Variants in ZNF738 observed in about 807,000 individuals in gnomAD.
ZNF738 encodes the protein zinc finger protein 738.
ZNF738 carries 10 observed loss-of-function variants against 9.2 expected under a neutral mutation model. The ratio of observed to expected loss-of-function variants is 1.09; its 90% CI spans 0.67 to 1.85. The LOEUF is 1.85. ZNF738 is among the 40% of genes most tolerant of loss of function. The pLI is 0.00. For synonymous variants in ZNF738, 113 were observed against 94.5 expected (o/e 1.20, Z -1.14); for missense variants, 346 against 283.6 (o/e 1.22, Z -1.58).
At chr19:21,367,643 TCATACTGC>T (rs1279080945) in intron 2 of ZNF738, among the ~76,000 whole-genome samples, 1 of 152,166 alleles carries the variant, frequency 6.6e-6, no homozygotes, top group Non-Finnish European at 1.5e-5. Flanking sequence ...ACACAGACTG[TCATACTGC>T]CCATTGTCCT....
In ZNF738 at chr19:21,383,403, A is replaced by G; in HGVS notation, c.857A>G (p.Lys286Arg). 1 of 592,062 alleles carries G rather than the reference A, an allele frequency of 1.7e-6. No homozygotes were observed. The highest frequency in any genetic ancestry group is 2.9e-6 in the Non-Finnish European group (1 of 347,988). 36.7% of individuals were successfully genotyped at this position (592,062 alleles called of 1,614,324 possible). ...TRHKVIHAGE[K>R]HYKCEKCGKD... ...CATAAGGTAATTCATGCTGGAGAGA[A>G]ACACTACAAATGTGAAAAATGTGGC... The change falls in exon 5 of 5, where the codon AAA (lysine) becomes AGA (arginine). Residue 286 changes from lysine (K) to arginine (R), a missense_variant. Physicochemically the swap from Lys to Arg is conservative, Grantham distance 26 (BLOSUM62 2). Coordinates refer to ENST00000683779, the MANE Select transcript of ZNF738 (RefSeq NM_001355237.2).
rs896528830 is a variant in ZNF738, at chr19:21,383,252, G to A, written c.706G>A (p.Glu236Lys). ...TAGAGAGAATTCTTACCAATGTGAAGAATGTGGCAAAGCCTTTAAATGGTT... is the reference window on the plus strand; with the variant it reads ...TAGAGAGAATTCTTACCAATGTGAAAAATGTGGCAAAGCCTTTAAATGGTT... ...HIRENSYQCEECGKAFKWFST... is the reference protein window; with the variant it reads ...HIRENSYQCEKCGKAFKWFST... Residue 236 changes from glutamate (E) to lysine (K), a missense_variant, in exon 5 of 5, where the codon GAA becomes AAA. Transcript: ENST00000683779. 5.0e-6 allele frequency: 8 copies of A among 1,591,208 alleles called. No individual in the cohort carries two copies. The highest frequency in any genetic ancestry group is 6.9e-6 in the Non-Finnish European group (8 of 1,161,438).
At chr19:21,365,912 G>A (rs12971736) in intron 2 of ZNF738, among the ~76,000 whole-genome samples, 85,230 of 150,780 alleles carry the variant, frequency 0.57, 24,376 homozygotes, top group Middle Eastern at 0.69. Flanking sequence ...AGCCAAGATC[G>A]CGCCACTGCA....
Position 21,388,397 on chromosome 19 carries a change from G to A in ZNF738, c.*4723G>A, listed in dbSNP as rs1210565219. Among the ~76,000 whole-genome samples the A allele has an allele frequency of 6.6e-6, 1 of 152,130 alleles. No individual in the cohort carries two copies. Among genetic ancestry groups the A allele is most frequent in the Non-Finnish European group, 1.5e-5 (1 of 67,994 alleles). On this transcript the variant is annotated 3_prime_UTR_variant, in exon 5 of 5. Coordinates refer to ENST00000683779, the MANE Select transcript of ZNF738 (RefSeq NM_001355237.2). Reference sequence around the variant, plus strand: ...TATGGACAAGTAAGGACATTAGAATGTAAGATGCATGATGAAAAAGTGGAG... The same window carrying A: ...TATGGACAAGTAAGGACATTAGAATATAAGATGCATGATGAAAAAGTGGAG...
intron 2 of ZNF738, among the ~76,000 whole-genome samples, chr19:21,373,760 CAA>C (rs1017817433): frequency 7.5e-5 from 10 of 134,140 alleles, no homozygotes; most frequent in Non-Finnish European, 1.6e-4. Context: ...CCAAAGAAGA[CAA>C]AAGAGGAAAA....
At chr19:21,362,918 G>T (rs1973719034) in intron 2 of ZNF738, among the ~76,000 whole-genome samples, 1 of 152,196 alleles carries the variant, frequency 6.6e-6, no homozygotes, top group South Asian at 2.1e-4. Context: ...ACAAGAAAAT[G>T]TGGTAGATAA....
chr19:21,369,271 A>G (rs189099864), intron 2 of ZNF738, among the ~76,000 whole-genome samples: 11 of 151,626 alleles, frequency 7.3e-5, no homozygotes, highest in Admixed American at 7.2e-4. Context: ...ATCACGCCTA[A>G]TTTTTCTTTT....
chr19:21,362,640 A>T (rs1334843925), intron 2 of ZNF738, among the ~76,000 whole-genome samples: 1 of 152,210 alleles, frequency 6.6e-6, no homozygotes, highest in Non-Finnish European at 1.5e-5. Context: ...AGGTTACATT[A>T]TATTAGTAGG....
chr19:21,382,649 G>A (rs1762795177), intron 4 of ZNF738, among the ~76,000 whole-genome samples: 1 of 151,912 alleles, frequency 6.6e-6, no homozygotes, highest in Admixed American at 6.6e-5. Flanking sequence ...GCTCACTTGG[G>A]GTACTTTAAA....
At chr19:21,366,731 A>G (rs377589001) in intron 2 of ZNF738, among the ~76,000 whole-genome samples, 1 of 152,176 alleles carries the variant, frequency 6.6e-6, no homozygotes, top group Admixed American at 6.6e-5. Context: ...TTATTTATAT[A>G]TCTCCTTTTT....
At chr19:21,360,296 T>G (rs1973665425) in intron 1 of ZNF738, among the ~76,000 whole-genome samples, 1 of 152,182 alleles carries the variant, frequency 6.6e-6, no homozygotes, top group African/African-American at 2.4e-5. Context: ...ATTTTTCACC[T>G]GGGTCCCAAT....
chr19:21,364,414 A>G (rs1973747303), intron 2 of ZNF738, among the ~76,000 whole-genome samples: 1 of 152,078 alleles, frequency 6.6e-6, no homozygotes, highest in African/African-American at 2.4e-5. Context: ...CTTAGGAGGG[A>G]TATAGAATGA....
intron 2 of ZNF738, chr19:21,372,172 C>T (rs1179047152): frequency 6.6e-6 from 1 of 152,150 alleles, no homozygotes; most frequent in Non-Finnish European, 1.5e-5. Context: ...GAACTCCCGA[C>T]CTCAGGTGAC....
At chr19:21,378,124 A>G (rs944278641) in intron 4 of ZNF738, 3 of 395,428 alleles carry the variant, frequency 7.6e-6, no homozygotes, top group African/African-American at 4.1e-5. Flanking sequence ...TTCTCATTAC[A>G]TATGTTCTCA....
At chr19:21,375,455 G>A (rs547534248) in intron 3 of ZNF738, 91 bp downstream of exon 3, 10 of 577,082 alleles carry the variant, frequency 1.7e-5, no homozygotes, top group Non-Finnish European at 6.3e-6. Flanking sequence ...TTTATGCTTT[G>A]CATAAATGCG....
chr19:21,359,379 C>A (rs1228041676), intron 1 of ZNF738, among the ~76,000 whole-genome samples: 1 of 152,350 alleles, frequency 6.6e-6, no homozygotes, highest in East Asian at 1.9e-4. Context: ...TTGCCTGGAG[C>A]CCTCTCTGGG....
chr19:21,364,673 T>C (rs1973750710), intron 2 of ZNF738, among the ~76,000 whole-genome samples: 1 of 151,560 alleles, frequency 6.6e-6, no homozygotes, highest in Admixed American at 6.6e-5. Flanking sequence ...AGTAAAGAAA[T>C]AAGAGAATTG....
rs185971017 is a variant in ZNF738, at chr19:21,372,995, A to G, written c.97-2243A>G. Reference sequence around the variant, plus strand: ...GTATTGTGACAAGAGTGCGGCATGTAAAGGACTCTGTGCTGTGCCTGCTTT... The same window carrying G: ...GTATTGTGACAAGAGTGCGGCATGTGAAGGACTCTGTGCTGTGCCTGCTTT... On this transcript the variant is annotated intron_variant, in intron 2 of 4. Coordinates refer to ENST00000683779, the MANE Select transcript of ZNF738 (RefSeq NM_001355237.2). Among the ~76,000 whole-genome samples the G allele has an allele frequency of 2.0e-5, 3 of 152,300 alleles. No individual in the cohort carries two copies. In the East Asian group the frequency reaches 5.8e-4, roughly 29 times the overall value.
At chr19:21,362,614 C>T (rs1973715552) in intron 2 of ZNF738, among the ~76,000 whole-genome samples, 2 of 152,126 alleles carry the variant, frequency 1.3e-5, no homozygotes, top group Non-Finnish European at 2.9e-5. Context: ...TTATTTTCAC[C>T]TGTTTTTTAG....
Sources: gnomAD v4.1 joint callset for allele counts (sites outside exome capture counted in the v4.1 genomes callset) on GRCh38, gnomAD v4.1.1 for gene constraint, MANE v1.5 for transcripts, NCBI Gene and HGNC (gene_info 2026-07-23, HGNC 2026-07-21) for gene names.